Variants in CELF2 observed in about 807,000 individuals in gnomAD.
The protein encoded by CELF2 is CUG triplet repeat RNA-binding protein 2.
Under a neutral mutation model 62.6 loss-of-function variants are expected in CELF2, and 8 were observed. That is an observed-to-expected ratio of 0.13 (90% CI 0.07 to 0.23). CELF2 has a LOEUF of 0.23. Ranked by LOEUF, CELF2 falls within the 10% of genes least tolerant of loss-of-function variation. CELF2 has a pLI of 1.00. For missense variants in CELF2, 333 were observed against 671.0 expected (o/e 0.50, Z 5.56); for synonymous variants, 258 against 250.0 (o/e 1.03, Z -0.30).
At chr10:10,871,355 A>G (rs1470472485) in intron 1 of CELF2, among the ~76,000 whole-genome samples, 2 of 152,214 alleles carry the variant, frequency 1.3e-5, no homozygotes, top group Non-Finnish European at 2.9e-5. Context: ...TATGCGCCAC[A>G]TCTAATGTCA....
chr10:11,208,324 G>T (rs2060932517), intron 2 of CELF2, among the ~76,000 whole-genome samples: 1 of 152,268 alleles, frequency 6.6e-6, no homozygotes, highest in South Asian at 2.1e-4. Context: ...TGAGATCACG[G>T]TTTCTGTGAC....
chr10:11,148,875 A>C (rs898139642), intron 1 of CELF2, among the ~76,000 whole-genome samples: 1 of 125,974 alleles, frequency 7.9e-6, no homozygotes, highest in African/African-American at 3.2e-5. Context: ...CACACACACA[A>C]AGCAAGCCCA....
chr10:11,145,424 C>T lies in CELF2; in HGVS notation c.75-20062C>T, dbSNP rs2062088031. On this transcript the variant is annotated intron_variant, in intron 1 of 12. Transcript: ENST00000633077. This position sits in a 1 kb window ranked among gnomAD's most constrained non-coding sequence, Gnocchi z 4.3. ...AATAGCAGGTTGTATGCAGGACTCC[C>T]ACGTTTGAAAACATGACTGCCTGGT... 6.6e-6 allele frequency among the ~76,000 whole-genome samples: 1 copy of T among 152,220 alleles called. No homozygotes were observed. The highest frequency in any genetic ancestry group is 1.5e-5 in the Non-Finnish European group (1 of 68,042).
At chr10:11,190,244 T>C (rs1453079248) in intron 2 of CELF2, among the ~76,000 whole-genome samples, 3 of 152,208 alleles carry the variant, frequency 2.0e-5, no homozygotes, top group Non-Finnish European at 4.4e-5. Context: ...CAGTAGGCAA[T>C]CCATACATGC....
chr10:10,560,361 G>T, the CELF2 span, among the ~76,000 whole-genome samples: 2 of 152,294 alleles, frequency 1.3e-5, no homozygotes, highest in Non-Finnish European at 1.5e-5. Context: ...GATGGCCCTT[G>T]AAATATAATG....
intron 1 of CELF2, among the ~76,000 whole-genome samples, chr10:10,804,254 A>G (rs1209961617): frequency 6.6e-6 from 1 of 152,214 alleles, no homozygotes; most frequent in Non-Finnish European, 1.5e-5. Context: ...CAACTTTGCT[A>G]TGTTAGCCTG....
chr10:10,763,255 T>C, the CELF2 span, among the ~76,000 whole-genome samples: 1 of 152,206 alleles, frequency 6.6e-6, no homozygotes, highest in East Asian at 1.9e-4. Context: ...GCAAAAGAGG[T>C]CATTTGAGCA....
At chr10:10,891,942 C>T (rs998453244) in intron 1 of CELF2, among the ~76,000 whole-genome samples, 1 of 152,210 alleles carries the variant, frequency 6.6e-6, no homozygotes, top group African/African-American at 2.4e-5. Flanking sequence ...TAAGGTCTGA[C>T]AACCATTCAC....
chr10:10,529,713 G>T, the CELF2 span, among the ~76,000 whole-genome samples: 11 of 136,000 alleles, frequency 8.1e-5, no homozygotes, highest in African/African-American at 2.7e-4. Flanking sequence ...AAAAAAAAAT[G>T]GTGAGTGTGA....
intron 4 of CELF2, among the ~76,000 whole-genome samples, chr10:11,251,921 A>G (rs1471686382): frequency 6.6e-6 from 1 of 152,234 alleles, no homozygotes. Context: ...TGGGCTGTTT[A>G]TACCGAAGCA....
At chr10:11,109,612 C>G (rs1294188302) in intron 1 of CELF2, among the ~76,000 whole-genome samples, 1 of 152,190 alleles carries the variant, frequency 6.6e-6, no homozygotes, top group African/African-American at 2.4e-5. Flanking sequence ...CAGCTAGGCA[C>G]TCTCTGAATT....
intron 1 of CELF2, among the ~76,000 whole-genome samples, chr10:11,114,627 T>A (rs1028357573): frequency 2.6e-5 from 4 of 152,228 alleles, no homozygotes; most frequent in Admixed American, 2.6e-4. Flanking sequence ...GAGTGGATGA[T>A]GATGGTGAAT....
intron 3 of CELF2, among the ~76,000 whole-genome samples, chr10:11,241,232 C>T (rs377057852): frequency 6.6e-6 from 1 of 152,192 alleles, no homozygotes; most frequent in African/African-American, 2.4e-5. Flanking sequence ...CAGGGTCTTG[C>T]TCTGTTACCC....
At chr10:11,148,018 T>G (rs1477785548) in intron 1 of CELF2, among the ~76,000 whole-genome samples, 1 of 152,200 alleles carries the variant, frequency 6.6e-6, no homozygotes, top group East Asian at 1.9e-4. Flanking sequence ...GTAAGATAGA[T>G]TTTACATTAA....
At chr10:10,499,103 G>C in the CELF2 span, among the ~76,000 whole-genome samples, 4 of 138,948 alleles carry the variant, frequency 2.9e-5, no homozygotes, top group African/African-American at 1.1e-4. Context: ...GTCTCACTCT[G>C]TTGCCTAGGC....
chr10:10,770,061 A>G, the CELF2 span, among the ~76,000 whole-genome samples: 1 of 152,174 alleles, frequency 6.6e-6, no homozygotes, highest in African/African-American at 2.4e-5. Flanking sequence ...TTTGTAGTCA[A>G]TTGGATATAT....
chr10:10,838,174 C>G (rs775033339), intron 1 of CELF2, among the ~76,000 whole-genome samples: 4 of 152,112 alleles, frequency 2.6e-5, no homozygotes, highest in Admixed American at 6.5e-5. Flanking sequence ...GATATTTTGT[C>G]GAATGCTCCT....
rs1592118964 is a variant in CELF2 at position 10,934,426 on chromosome 10, C to G, written c.89+14427C>G. 1.3e-5 allele frequency: 2 copies of G among 152,160 alleles called. No homozygotes were observed. The highest frequency in any genetic ancestry group is 3.8e-4 in the East Asian group (2 of 5,200). The allele number at this position is 152,160 out of a possible 1,614,324, so 9.4% of individuals were successfully genotyped here. On this transcript the variant is annotated intron_variant, in intron 2 of 13. Coordinates refer to the CELF2 transcript ENST00000636488. The surrounding 1 kb of genome is among the most constrained non-coding windows in gnomAD (Gnocchi z 4.4). Reference sequence around the variant, plus strand: ...AAATGAACTCATGAGTAAATGGGAGCTAAGAATCTTTCTGAATGGTTGAAG... The same window carrying G: ...AAATGAACTCATGAGTAAATGGGAGGTAAGAATCTTTCTGAATGGTTGAAG...
At chr10:10,643,394 G>C in the CELF2 span, among the ~76,000 whole-genome samples, 37 of 152,066 alleles carry the variant, frequency 2.4e-4, no homozygotes, top group African/African-American at 7.7e-4. Context: ...CAGTTCCCCT[G>C]CACATGCTCT....
Sources: allele counts gnomAD v4.1 joint callset (sites outside exome capture counted in the v4.1 genomes callset), GRCh38; gene constraint gnomAD v4.1.1; non-coding constraint Gnocchi (gnomAD v3.1); transcripts MANE v1.5; gene names NCBI Gene and HGNC (gene_info 2026-07-23, HGNC 2026-07-21).